The following CDK14 variants were observed in gnomAD, a reference collection of about 807,000 sequenced individuals.
CDK14 encodes the protein cyclin dependent kinase 14, also known as cyclin-dependent kinase 14.
CDK14 carries 34 observed loss-of-function variants against 60.7 expected under a neutral mutation model. That is an observed-to-expected ratio of 0.56 (90% CI 0.43 to 0.75). CDK14 has a LOEUF of 0.75. CDK14 is among the 30% of genes least tolerant of loss of function. The probability of loss-of-function intolerance (pLI) is 0.00; values close to 1 mark genes in which losing one functional copy is unlikely to be tolerated. For missense variants in CDK14, 482 were observed against 564.1 expected (o/e 0.85, Z 1.47); for synonymous variants, 197 against 203.7 (o/e 0.97, Z 0.28).
chr7:90,799,949 A>G (rs551207995), intron 5 of CDK14, among the ~76,000 whole-genome samples: 3 of 152,194 alleles, frequency 2.0e-5, no homozygotes, highest in Non-Finnish European at 4.4e-5. Context: ...GGCAGCATCC[A>G]CATAGGACAA....
intron 14 of CDK14, among the ~76,000 whole-genome samples, chr7:91,147,162 T>TCACACA (rs71107808): frequency 1.2e-4 from 15 of 124,698 alleles, no homozygotes; most frequent in African/African-American, 5.0e-4. Flanking sequence ...TCTCTCTCTC[T>TCACACA]CACACACACA....
intron 12 of CDK14, among the ~76,000 whole-genome samples, chr7:91,110,557 T>C (rs963330225): frequency 3.3e-5 from 5 of 152,166 alleles, no homozygotes; most frequent in Admixed American, 2.6e-4. Flanking sequence ...TTGCTTTGTA[T>C]TTCATGTTTT....
At position 90,686,239 on chromosome 7, in the gene CDK14, A is replaced by G. The variant is rs577697663; in HGVS notation, c.124-40328A>G. On this transcript the variant is annotated intron_variant, in intron 2 of 14. Transcript: ENST00000380050. Reference sequence around the variant, plus strand: ...GTCTACTGAATTTTCTTTTGTTTCCAGTAGTTTTTTCAGTTAACTTCTGTG... The same window carrying G: ...GTCTACTGAATTTTCTTTTGTTTCCGGTAGTTTTTTCAGTTAACTTCTGTG... Among the ~76,000 whole-genome samples, 3 of 152,064 alleles carry G rather than the reference A, an allele frequency of 2.0e-5. No individual in the cohort carries two copies. The East Asian group carries it at 5.8e-4, about 29-fold the overall frequency.
At chr7:90,714,991 G>A (rs778221170) in intron 2 of CDK14, among the ~76,000 whole-genome samples, 1 of 152,044 alleles carries the variant, frequency 6.6e-6, no homozygotes, top group Admixed American at 6.6e-5. Context: ...ATTTTTAAAC[G>A]CTGTTCATAT....
At chr7:90,829,667 G>A (rs1196137793) in intron 5 of CDK14, among the ~76,000 whole-genome samples, 1 of 152,060 alleles carries the variant, frequency 6.6e-6, no homozygotes, top group East Asian at 1.9e-4. Context: ...CAAGTAGCTG[G>A]GACTACAGAT....
chr7:90,849,028 T>C (rs1790558089), intron 5 of CDK14, among the ~76,000 whole-genome samples: 1 of 152,186 alleles, frequency 6.6e-6, no homozygotes. Context: ...AGTTTCCTCA[T>C]TGATTGAGTT....
intron 10 of CDK14, among the ~76,000 whole-genome samples, chr7:91,021,023 A>G (rs1796419774): frequency 1.3e-5 from 2 of 152,192 alleles, no homozygotes; most frequent in South Asian, 4.1e-4. Flanking sequence ...TTCTTGCCAC[A>G]TGATTCCCTA....
chr7:90,872,376 C>G (rs545854416), intron 6 of CDK14, among the ~76,000 whole-genome samples: 1 of 152,136 alleles, frequency 6.6e-6, no homozygotes, highest in East Asian at 1.9e-4. Flanking sequence ...GTACAGAATG[C>G]GAACAGATGT....
intron 4 of CDK14, among the ~76,000 whole-genome samples, chr7:90,787,204 C>T (rs905662855): frequency 6.6e-6 from 1 of 152,010 alleles, no homozygotes; most frequent in Admixed American, 6.6e-5. Flanking sequence ...ATGAAGCAGT[C>T]GTAGAAAAGG....
At chr7:90,899,003 A>T (rs1181245513) in intron 6 of CDK14, among the ~76,000 whole-genome samples, 1 of 151,988 alleles carries the variant, frequency 6.6e-6, no homozygotes, top group East Asian at 1.9e-4. Flanking sequence ...AAGTATAAGG[A>T]TATATTCAAT....
At chr7:90,844,018 T>C (rs1328746396) in intron 5 of CDK14, among the ~76,000 whole-genome samples, 3 of 152,158 alleles carry the variant, frequency 2.0e-5, no homozygotes, top group African/African-American at 7.2e-5. Context: ...GGTTTTGTAA[T>C]TTAAAATGAA....
At chr7:90,926,733 CACTA>C (rs1793427193) in intron 8 of CDK14, among the ~76,000 whole-genome samples, 1 of 152,308 alleles carries the variant, frequency 6.6e-6, no homozygotes, top group African/African-American at 2.4e-5. Context: ...TTATTTCTGA[CACTA>C]ACTACGCAGT....
intron 5 of CDK14, among the ~76,000 whole-genome samples, chr7:90,791,997 G>A (rs552280723): frequency 4.2e-4 from 63 of 149,902 alleles, no homozygotes; most frequent in Admixed American, 9.4e-4. Context: ...CTGTCTCCCC[G>A]GTTCAAGCAA....
At chr7:90,779,891 T>A (rs1438615876) in intron 4 of CDK14, among the ~76,000 whole-genome samples, 2 of 152,186 alleles carry the variant, frequency 1.3e-5, no homozygotes, top group African/African-American at 4.8e-5. Context: ...AAAAATTGAG[T>A]CTATACATTG....
intron 6 of CDK14, among the ~76,000 whole-genome samples, chr7:90,869,462 T>C (rs1033690588): frequency 1.3e-5 from 2 of 152,174 alleles, no homozygotes; most frequent in Admixed American, 6.5e-5. Context: ...TCAGATTCTG[T>C]GGGCTTTGAA....
At chr7:90,632,983 C>T (rs1200118916) in intron 2 of CDK14, among the ~76,000 whole-genome samples, 1 of 151,936 alleles carries the variant, frequency 6.6e-6, no homozygotes, top group Non-Finnish European at 1.5e-5. Flanking sequence ...GTAGTCTCAG[C>T]CACTCGGGAG....
intron 2 of CDK14, among the ~76,000 whole-genome samples, chr7:90,694,915 T>C (rs1801624529): frequency 6.6e-6 from 1 of 152,242 alleles, no homozygotes; most frequent in South Asian, 2.1e-4. Flanking sequence ...ATATATCTTA[T>C]CTGTGTGTGG....
At chr7:91,066,555 A>T (rs949970499) in intron 11 of CDK14, among the ~76,000 whole-genome samples, 5 of 142,268 alleles carry the variant, frequency 3.5e-5, no homozygotes, top group African/African-American at 1.2e-4. Context: ...AATTAAAATT[A>T]ATCTCCTGAA....
At chr7:90,616,498 T>C (rs1339823845) in intron 2 of CDK14, among the ~76,000 whole-genome samples, 1 of 152,180 alleles carries the variant, frequency 6.6e-6, no homozygotes, top group Non-Finnish European at 1.5e-5. Context: ...TATTTAATCT[T>C]ACAAATGAGC....
Sources: allele counts gnomAD v4.1 joint callset (sites outside exome capture counted in the v4.1 genomes callset), GRCh38; gene constraint gnomAD v4.1.1; transcripts MANE v1.5; gene names NCBI Gene and HGNC (gene_info 2026-07-23, HGNC 2026-07-21).